The following PTPRJ variants were observed in gnomAD, a reference collection of about 807,000 sequenced individuals.
PTPRJ encodes protein tyrosine phosphatase receptor type J, also known as receptor-type tyrosine-protein phosphatase eta.
Under a neutral mutation model 141.3 loss-of-function variants are expected in PTPRJ, and 129 were observed. The observed-to-expected ratio is 0.91, with a 90% CI of 0.79 to 1.06. The LOEUF (loss-of-function observed/expected upper bound fraction) is 1.06, where lower values mean the gene tolerates loss of function less well. Among genes scored for constraint, PTPRJ ranks in the 50% least tolerant of loss-of-function variants. The probability of loss-of-function intolerance (pLI) is 0.00; values close to 1 mark genes in which losing one functional copy is unlikely to be tolerated. For missense variants in PTPRJ, 1,601 were observed against 1,679.7 expected (o/e 0.95, Z 0.82); for synonymous variants, 610 against 640.5 (o/e 0.95, Z 0.72).
At chr11:48,138,866 G>A (rs1384094891) in intron 10 of PTPRJ, among the ~76,000 whole-genome samples, 1 of 152,192 alleles carries the variant, frequency 6.6e-6, no homozygotes, top group Admixed American at 6.5e-5. Flanking sequence ...CTGGGCTGGT[G>A]GCTCACACCT....
chr11:48,128,195 G>T, intron 7 of PTPRJ, 152 bp downstream of exon 7: 2 of 1,008,904 alleles, frequency 2.0e-6, no homozygotes, highest in Non-Finnish European at 2.9e-6. Context: ...CACATTGTAT[G>T]CTCACAACAG....
At chr11:48,151,503 A>T (rs1857481423) in intron 18 of PTPRJ, among the ~76,000 whole-genome samples, 1 of 150,784 alleles carries the variant, frequency 6.6e-6, no homozygotes, top group Admixed American at 6.6e-5. Flanking sequence ...TGAGCACAAC[A>T]TGCAGGTTTG....
chr11:48,113,918 G>A (rs1856500756), intron 3 of PTPRJ, among the ~76,000 whole-genome samples: 1 of 152,092 alleles, frequency 6.6e-6, no homozygotes, highest in South Asian at 2.1e-4. Flanking sequence ...TTTTTAAGAA[G>A]TTAAAAGGGC....
intron 2 of PTPRJ, among the ~76,000 whole-genome samples, chr11:48,111,261 C>G (rs1399606231): frequency 1.7e-5 from 1 of 57,460 alleles, no homozygotes; most frequent in Admixed American, 2.9e-4. Context: ...GCCTGGGCAA[C>G]AAGAGTGAAA....
intron 1 of PTPRJ, among the ~76,000 whole-genome samples, chr11:48,056,641 ATC>A (rs1854758284): frequency 2.6e-5 from 4 of 152,266 alleles, no homozygotes; most frequent in African/African-American, 7.2e-5. Context: ...TGCTGTTCTA[ATC>A]TCTGTTTTAC....
chr11:47,998,896 G>A (rs1854415242), intron 1 of PTPRJ, among the ~76,000 whole-genome samples: 2 of 152,184 alleles, frequency 1.3e-5, no homozygotes, highest in East Asian at 1.9e-4. Flanking sequence ...AGAGGACAGA[G>A]TCTGAAGTTC....
chr11:48,124,896 G>A, intron 5 of PTPRJ, 72 bp from the exon 6 acceptor site: 2 of 1,453,706 alleles, frequency 1.4e-6, no homozygotes, highest in Non-Finnish European at 1.9e-6. Flanking sequence ...GATGGGGTTG[G>A]GGCTCCGAAG....
rs753566601 is a variant in PTPRJ at position 48,139,613 on chromosome 11, C to T, written c.2280C>T (p.Asn760=). Residue 760 remains asparagine (N), a synonymous_variant, in exon 11 of 25, where the codon AAC becomes AAT. Coordinates refer to ENST00000418331, the MANE Select transcript of PTPRJ (RefSeq NM_002843.4). ...TGGAGGTCAGCAGTGGAGCCTGGAACAATGCGACCCACCTGGAGAGCTGCT... is the reference window on the plus strand; with the variant it reads ...TGGAGGTCAGCAGTGGAGCCTGGAATAATGCGACCCACCTGGAGAGCTGCT... ...FELEVSSGAW[N]NATHLESCSS... 4 of 1,614,134 alleles carry T rather than the reference C, an allele frequency of 2.5e-6. No individual in the cohort carries two copies. Among genetic ancestry groups the T allele is most frequent in the Non-Finnish European group, 3.4e-6 (4 of 1,180,054 alleles).
intron 1 of PTPRJ, among the ~76,000 whole-genome samples, chr11:48,010,293 T>C (rs1854748172): frequency 6.6e-6 from 1 of 152,178 alleles, no homozygotes; most frequent in Admixed American, 6.5e-5. Context: ...TCCTCCTGCC[T>C]CAGCCTCCTG....
At chr11:48,061,460 A>T (rs974738668) in intron 1 of PTPRJ, among the ~76,000 whole-genome samples, 3 of 152,162 alleles carry the variant, frequency 2.0e-5, no homozygotes, top group Non-Finnish European at 4.4e-5. Flanking sequence ...GTGCTGCAGT[A>T]ATGGTTCTGC....
intron 1 of PTPRJ, among the ~76,000 whole-genome samples, chr11:47,983,217 T>G (rs1024914367): frequency 1.3e-5 from 2 of 152,226 alleles, no homozygotes; most frequent in Admixed American, 6.5e-5. Flanking sequence ...CACTTTGATC[T>G]TACTTTTAAT....
intron 1 of PTPRJ, among the ~76,000 whole-genome samples, chr11:48,036,549 G>A (rs1246619193): frequency 1.3e-5 from 2 of 152,294 alleles, no homozygotes; most frequent in South Asian, 4.1e-4. Context: ...GTGATTTTTA[G>A]TGGTGGCCTT....
chr11:48,137,409 G>A, intron 10 of PTPRJ, 128 bp downstream of exon 10: 1 of 1,017,692 alleles, frequency 9.8e-7, no homozygotes. Flanking sequence ...AGCTTTCCGA[G>A]GCATCCTGTT....
At chr11:47,999,334 A>C (rs963157549) in intron 1 of PTPRJ, among the ~76,000 whole-genome samples, 7 of 152,212 alleles carry the variant, frequency 4.6e-5, no homozygotes, top group African/African-American at 1.2e-4. Context: ...AAACCACAAA[A>C]ATCTCTTTTG....
In PTPRJ at chr11:47,980,872, C is replaced by G. The variant is rs1264585398; in HGVS notation, c.-41C>G. 1.8e-6 allele frequency: 2 copies of G among 1,101,774 alleles called. No homozygotes were observed. Among genetic ancestry groups the G allele is most frequent in the Non-Finnish European group, 2.2e-6 (2 of 906,628 alleles). The allele number at this position is 1,101,774 out of a possible 1,614,324, so 68.2% of individuals were successfully genotyped here. ...CCCGGGCTCGGGCGCACGGCGGGGCCCGATTCGCGCGTCCGGGGCACGTTC... is the reference window on the plus strand; with the variant it reads ...CCCGGGCTCGGGCGCACGGCGGGGCGCGATTCGCGCGTCCGGGGCACGTTC... On this transcript the variant is annotated 5_prime_UTR_variant, in exon 1 of 25. Transcript: ENST00000418331.
intron 10 of PTPRJ, among the ~76,000 whole-genome samples, chr11:48,137,669 G>T (rs1857136962): frequency 6.6e-6 from 1 of 152,158 alleles, no homozygotes; most frequent in African/African-American, 2.4e-5. Context: ...GGCCTGTGCA[G>T]AGGGGCCTGT....
At chr11:48,011,106 C>T (rs140182323) in intron 1 of PTPRJ, among the ~76,000 whole-genome samples, 16 of 152,234 alleles carry the variant, frequency 1.1e-4, no homozygotes, top group African/African-American at 3.9e-4. Context: ...TGGGCAAAGG[C>T]AGAGATAACA....
At chr11:48,159,881 G>A in intron 21 of PTPRJ, 49 bp from the exon 22 acceptor site, 1 of 1,606,396 alleles carries the variant, frequency 6.2e-7, no homozygotes, top group Non-Finnish European at 8.5e-7. Flanking sequence ...TTTAGTGATG[G>A]CAGATGGCAT....
chr11:48,034,903 A>T (rs1403209512), intron 1 of PTPRJ, among the ~76,000 whole-genome samples: 1 of 152,198 alleles, frequency 6.6e-6, no homozygotes, highest in Non-Finnish European at 1.5e-5. Flanking sequence ...CACGAATGAG[A>T]ATCTTCATCC....
Sources: allele counts gnomAD v4.1 joint callset (sites outside exome capture counted in the v4.1 genomes callset), GRCh38; gene constraint gnomAD v4.1.1; transcripts MANE v1.5; gene names NCBI Gene and HGNC (gene_info 2026-07-23, HGNC 2026-07-21).